The following KDM2B variants were observed in gnomAD, a reference collection of about 807,000 sequenced individuals.
KDM2B encodes the protein lysine demethylase 2B.
In KDM2B, 26 loss-of-function variants were observed where a neutral mutation model predicts 150.0. The observed-to-expected ratio is 0.17, with a 90% CI of 0.13 to 0.24. KDM2B has a LOEUF of 0.24. KDM2B is among the 10% of genes least tolerant of loss of function. The probability of loss-of-function intolerance (pLI) is 1.00; values close to 1 mark genes in which losing one functional copy is unlikely to be tolerated. For missense variants in KDM2B, 1,265 were observed against 1,816.9 expected (o/e 0.70, Z 5.52); for synonymous variants, 734 against 729.5 (o/e 1.01, Z -0.10).
chr12:121,528,754 G>A lies in KDM2B; in HGVS notation c.931+4052C>T, dbSNP rs551435785. 2.8e-4 allele frequency among the ~76,000 whole-genome samples: 42 copies of A among 151,992 alleles called. No homozygotes were observed. In the South Asian group the frequency reaches 8.5e-3, roughly 31 times the overall value. On this transcript the variant is annotated intron_variant, in intron 8 of 22. Transcript: ENST00000377071. ...CTAAAAATACAAAAATTAGCCAGGC[G>A]TGGCGGCACATGCCTGTAATCCCAG...
chr12:121,522,895 A>AT (rs1555306153), intron 8 of KDM2B, among the ~76,000 whole-genome samples: 1 of 152,218 alleles, frequency 6.6e-6, no homozygotes, highest in African/African-American at 2.4e-5. Context: ...GAAGTCACCT[A>AT]TCAGGATTTT....
chr12:121,417,864 G>C, the KDM2B span: 2 of 1,614,120 alleles, frequency 1.2e-6, no homozygotes, highest in Non-Finnish European at 1.7e-6. The surrounding 1 kb of genome is among the most constrained non-coding windows in gnomAD (Gnocchi z 5.0). Context: ...GTTTCAGGGA[G>C]AGCTTATGGA....
At chr12:121,515,888 T>C (rs964905794) in intron 9 of KDM2B, among the ~76,000 whole-genome samples, 4 of 152,132 alleles carry the variant, frequency 2.6e-5, no homozygotes, top group African/African-American at 9.7e-5. Flanking sequence ...GGGACCATCA[T>C]CTAGCGGTTT....
rs1327668038 is a variant in KDM2B at position 121,467,283 on chromosome 12, G to A, written c.1735-13939C>T. On this transcript the variant is annotated intron_variant, in intron 12 of 22. Transcript: ENST00000377071. This position sits in a 1 kb window ranked among gnomAD's most constrained non-coding sequence, Gnocchi z 5.1. ...GCGCCGCCGCCGCCGCCCGCCCGGA[G>A]CAGGCTCGGCTCGCCCTGGCTCGGG... The A allele has an allele frequency of 1.9e-5, 19 of 986,572 alleles. No individual in the cohort carries two copies. The highest frequency in any genetic ancestry group is 2.0e-5 in the Non-Finnish European group (17 of 831,490). 61.1% of individuals were successfully genotyped at this position (986,572 alleles called of 1,614,324 possible).
intron 4 of KDM2B, among the ~76,000 whole-genome samples, chr12:121,572,787 T>C (rs1555316166): frequency 6.6e-6 from 1 of 151,156 alleles, no homozygotes; most frequent in African/African-American, 2.4e-5. Context: ...CCCAAGTAGC[T>C]ACAACTACAG....
chr12:121,416,983 C>A, the KDM2B span, among the ~76,000 whole-genome samples: 2 of 152,218 alleles, frequency 1.3e-5, no homozygotes, highest in African/African-American at 2.4e-5. Flanking sequence ...CCTCTTTAAG[C>A]TTCTCTAGTG....
chr12:121,454,972 C>G (rs559534923), intron 12 of KDM2B, among the ~76,000 whole-genome samples: 1 of 152,284 alleles, frequency 6.6e-6, no homozygotes, highest in Admixed American at 6.5e-5. Context: ...AAACAGCCCC[C>G]CTTTCTCCTC....
chr12:121,440,875 T>C lies in KDM2B; in HGVS notation c.3551A>G (p.Glu1184Gly). 1 of 1,614,056 alleles carries C rather than the reference T, an allele frequency of 6.2e-7. No individual in the cohort carries two copies. The highest frequency in any genetic ancestry group is 8.5e-7 in the Non-Finnish European group (1 of 1,179,968). Residue 1184 changes from glutamate (E) to glycine (G), a missense_variant, in exon 21 of 23, where the codon GAG becomes GGG. Coordinates refer to ENST00000377071, the MANE Select transcript of KDM2B (RefSeq NM_032590.5). ...CCGCATCTGGGCATCCTTTAGTCCC[T>C]CCACCCACTGGACATCCAGGGTCCG... Reference protein sequence around the residue: ...LLRTLDVQWVEGLKDAQMRDL... With the variant: ...LLRTLDVQWVGGLKDAQMRDL...
In KDM2B at chr12:121,509,880, G is replaced by A. The variant is rs1885426441; in HGVS notation, c.1334C>T (p.Ser445Leu). ...GTCCTCAGAGGGCGTGCTGGTGGGT[G>A]AAGTGGAGCCATCGGTGGGCGGTTT... ...APKPPTDGST[S>L]PTSTPSEDQE... The change falls in exon 11 of 23, where the codon TCA (serine) becomes TTA (leucine). Residue 445 changes from serine (S) to leucine (L), a missense_variant. Physicochemically the swap from Ser to Leu is moderately radical, Grantham distance 145. Transcript: ENST00000377071. 2 of 1,613,666 alleles carry A rather than the reference G, an allele frequency of 1.2e-6. No homozygotes were observed. Among genetic ancestry groups the A allele is most frequent in the African/African-American group, 1.3e-5 (1 of 74,962 alleles).
At chr12:121,425,448 CAG>C (rs200216089), downstream of KDM2B, among the ~76,000 whole-genome samples, 714 of 152,280 alleles carry the variant, frequency 4.7e-3, 3 homozygotes, top group African/African-American at 0.015. Context: ...GGCCACTTCT[CAG>C]AGTCTGTTAT....
At chr12:121,561,594 C>A (rs1474310885) in intron 4 of KDM2B, among the ~76,000 whole-genome samples, 2 of 152,176 alleles carry the variant, frequency 1.3e-5, no homozygotes, top group African/African-American at 4.8e-5. Flanking sequence ...GCCGCTCTGG[C>A]CTTGACCTCT....
intron 12 of KDM2B, among the ~76,000 whole-genome samples, chr12:121,460,148 A>T (rs1878894633): frequency 2.0e-5 from 3 of 152,222 alleles, no homozygotes. Context: ...CAAATCCACC[A>T]ACCCAAGTGT....
chr12:121,574,577 A>G lies in KDM2B; in HGVS notation c.367T>C (p.Phe123Leu). ...GLGIKMPDPD[F>L]TVRDVKLLVG... Reference sequence around the variant, plus strand: ...AGGAGTTTGACGTCTCGGACTGTGAAATCAGGGTCAGGCATCCTGGGGAAA... The same window carrying G: ...AGGAGTTTGACGTCTCGGACTGTGAGATCAGGGTCAGGCATCCTGGGGAAA... The change falls in exon 4 of 23, where the codon TTC (phenylalanine) becomes CTC (leucine). Residue 123 changes from phenylalanine to leucine, a missense_variant. Around this residue, in one of 11 missense-constraint regions of KDM2B, gnomAD observed 214 missense variants for 447.4 expected, o/e 0.48. Coordinates refer to ENST00000377071, the MANE Select transcript of KDM2B (RefSeq NM_032590.5). The G allele has an allele frequency of 6.2e-7, 1 of 1,614,018 alleles. No homozygotes were observed. The highest frequency in any genetic ancestry group is 8.5e-7 in the Non-Finnish European group (1 of 1,179,940).
At chr12:121,560,660 GAGACGGGGGCCGCC>G (rs1187398505) in intron 4 of KDM2B, among the ~76,000 whole-genome samples, 3 of 152,066 alleles carry the variant, frequency 2.0e-5, no homozygotes, top group Non-Finnish European at 2.9e-5. Flanking sequence ...GGCAGAGGAA[GAGACGGGGGCCGCC>G]AGTCCCTTTT....
At chr12:121,574,512 G>T in intron 4 of KDM2B, 35 bp downstream of exon 4, 1 of 1,606,542 alleles carries the variant, frequency 6.2e-7, no homozygotes. Context: ...CCCTACTTCA[G>T]CATGTCTGAG....
intron 11 of KDM2B, among the ~76,000 whole-genome samples, chr12:121,497,476 T>A (rs1884098244): frequency 6.6e-6 from 1 of 152,028 alleles, no homozygotes; most frequent in African/African-American, 2.4e-5. Flanking sequence ...GGCTAATTTT[T>A]GTTATTTTTA....
At chr12:121,501,084 G>A (rs1242193141) in intron 11 of KDM2B, among the ~76,000 whole-genome samples, 1 of 152,146 alleles carries the variant, frequency 6.6e-6, no homozygotes, top group African/African-American at 2.4e-5. Flanking sequence ...CTGGGCAACA[G>A]AGCAAGATTC....
At chr12:121,439,678 C>G (rs1403580470) in intron 22 of KDM2B, among the ~76,000 whole-genome samples, 179 bp downstream of exon 22, 1 of 152,212 alleles carries the variant, frequency 6.6e-6, no homozygotes, top group African/African-American at 2.4e-5. Context: ...CCGCACCCGG[C>G]CAACAGTAAC....
intron 12 of KDM2B, among the ~76,000 whole-genome samples, chr12:121,473,256 A>G (rs1555296171): frequency 6.6e-6 from 1 of 151,882 alleles, no homozygotes; most frequent in Non-Finnish European, 1.5e-5. Flanking sequence ...GCCGGGTGTG[A>G]TGGTGGGCAT....
Sources: gnomAD v4.1 joint callset for allele counts (sites outside exome capture counted in the v4.1 genomes callset) on GRCh38, gnomAD v4.1.1 for gene constraint, gnomAD v4.1.1 regional missense constraint, Gnocchi (gnomAD v3.1) non-coding constraint, MANE v1.5 for transcripts, NCBI Gene and HGNC (gene_info 2026-07-23, HGNC 2026-07-21) for gene names.